The following PLSCR1 variants were observed in gnomAD, a reference collection of about 807,000 sequenced individuals.
The protein encoded by PLSCR1 is phospholipid scramblase 1.
In PLSCR1, 17 loss-of-function variants were observed where a neutral mutation model predicts 37.8. That is an observed-to-expected ratio of 0.45 (90% CI 0.31 to 0.68). The LOEUF is 0.68. PLSCR1 is among the 30% of genes least tolerant of loss of function. PLSCR1 has a pLI of 0.06. For synonymous variants in PLSCR1, 116 were observed against 125.9 expected, an observed-to-expected ratio of 0.92 and a Z score of 0.53; for missense variants, 347 against 380.9, an observed-to-expected ratio of 0.91 and a Z score of 0.74.
Position 146,521,616 on chromosome 3 carries a change from C to A in PLSCR1, c.666G>T (p.Glu222Asp). Residue 222 changes from glutamate (E) to aspartate (D), a missense_variant, in exon 7 of 9, where the codon GAG becomes GAT. Transcript: ENST00000342435. ...PCLPKFTIQN[E>D]KREDVLKISG... ...TTATTTTTAGTACATCCTCTCTTTT[C>A]TCATTTTGAATTGTAAACTTTGGTA... The A allele has an allele frequency of 6.2e-7, 1 of 1,613,940 alleles. No homozygotes were observed. The highest frequency in any genetic ancestry group is 1.1e-5 in the South Asian group (1 of 91,082).
At chr3:146,534,079 AC>A (rs1285076104) in intron 2 of PLSCR1, among the ~76,000 whole-genome samples, 1 of 152,210 alleles carries the variant, frequency 6.6e-6, no homozygotes, top group Non-Finnish European at 1.5e-5. Context: ...CCCAAATATG[AC>A]TGTTTTTGAC....
chr3:146,529,661 C>T (rs1170155048), intron 3 of PLSCR1, among the ~76,000 whole-genome samples: 1 of 151,996 alleles, frequency 6.6e-6, no homozygotes, highest in Non-Finnish European at 1.5e-5. Context: ...TACAGGCGCC[C>T]ACCACCACGC....
At chr3:146,528,212 G>A (rs1018328993) in intron 4 of PLSCR1, 6 of 168,826 alleles carry the variant, frequency 3.6e-5, no homozygotes, top group Non-Finnish European at 6.4e-5. Context: ...AAACAGTCTT[G>A]ACTCTTTAGG....
At chr3:146,528,342 G>T (rs1470665607) in intron 4 of PLSCR1, 8 of 447,402 alleles carry the variant, frequency 1.8e-5, no homozygotes, top group African/African-American at 1.4e-4. Flanking sequence ...CATGTATCAG[G>T]CATACAACAA....
At chr3:146,522,900 T>C (rs1032620447) in intron 5 of PLSCR1, among the ~76,000 whole-genome samples, 1 of 152,240 alleles carries the variant, frequency 6.6e-6, no homozygotes, top group African/African-American at 2.4e-5. Flanking sequence ...TTGAGATGTT[T>C]ATGTATATGC....
chr3:146,525,003 T>A (rs1266825336), intron 5 of PLSCR1, among the ~76,000 whole-genome samples: 1 of 152,174 alleles, frequency 6.6e-6, no homozygotes, highest in Non-Finnish European at 1.5e-5. Context: ...ATTGGCTTCC[T>A]AGGTTTATTT....
chr3:146,517,160 G>T lies in PLSCR1; in HGVS notation c.746C>A (p.Ser249Tyr). ...CCGDVDFEIKSLDEQCVVGKI... is the reference protein window; with the variant it reads ...CCGDVDFEIKYLDEQCVVGKI... ...GCCAACCACACACTGTTCATCAAGA[G>T]ATTTAATCTAAATTGAAAAAAAAAA... Residue 249 changes from serine (S) to tyrosine (Y), a missense_variant, in exon 8 of 9, where the codon TCT (serine) becomes TAT (tyrosine). Coordinates refer to ENST00000342435, the MANE Select transcript of PLSCR1 (RefSeq NM_021105.3). 4 of 1,483,506 alleles carry T rather than the reference G, an allele frequency of 2.7e-6. No homozygotes were observed. The highest frequency in any genetic ancestry group is 3.6e-6 in the Non-Finnish European group (4 of 1,113,014). The allele number at this position is 1,483,506 out of a possible 1,614,324, so 91.9% of individuals were successfully genotyped here.
intron 7 of PLSCR1, chr3:146,520,153 T>C (rs1477946290): frequency 6.6e-6 from 1 of 152,076 alleles, no homozygotes; most frequent in Admixed American, 6.6e-5. Context: ...CTCAATTCTT[T>C]CCATGAGAGT....
chr3:146,531,132 T>C (rs2587025), intron 3 of PLSCR1, among the ~76,000 whole-genome samples: 60,965 of 152,040 alleles, frequency 0.4, 12,408 homozygotes, highest in African/African-American at 0.46. Flanking sequence ...AACAGCTGCC[T>C]TGAGGGGTCA....
At chr3:146,516,718 C>A in intron 8 of PLSCR1, 1 of 230,172 alleles carries the variant, frequency 4.3e-6, no homozygotes, top group South Asian at 1.1e-4. Flanking sequence ...TTCCTCAAAG[C>A]ATCTAGGAGA....
chr3:146,521,801 T>A (rs2044024966), intron 6 of PLSCR1, 32 bp downstream of exon 6: 4 of 1,588,162 alleles, frequency 2.5e-6, no homozygotes, highest in Non-Finnish European at 3.5e-6. Context: ...GCTGAACTAT[T>A]TTACAAAGTG....
At chr3:146,528,563 G>A in intron 4 of PLSCR1, 51 bp downstream of exon 4, 1 of 1,431,784 alleles carries the variant, frequency 7.0e-7, no homozygotes, top group Non-Finnish European at 9.9e-7. Context: ...GGTTAAGCAA[G>A]CTGGAAGCAC....
chr3:146,540,814 A>C (rs1032505642), intron 1 of PLSCR1: 2 of 152,162 alleles, frequency 1.3e-5, no homozygotes, highest in Non-Finnish European at 2.9e-5. Flanking sequence ...AAGATACTAG[A>C]CTAGAGGAAA....
intron 1 of PLSCR1, among the ~76,000 whole-genome samples, chr3:146,544,237 G>A (rs1165337143): frequency 6.6e-6 from 1 of 152,202 alleles, no homozygotes; most frequent in African/African-American, 2.4e-5. Flanking sequence ...GCCCCTTGCC[G>A]TGTACCTGCT....
intron 7 of PLSCR1, among the ~76,000 whole-genome samples, chr3:146,518,333 T>C (rs560960434): frequency 9.5e-4 from 142 of 148,776 alleles, no homozygotes; most frequent in Non-Finnish European, 1.0e-3. Flanking sequence ...CTGGAGCAGA[T>C]TGAGGTTAAC....
chr3:146,538,027 A>C (rs2044289410), intron 1 of PLSCR1: 1 of 152,232 alleles, frequency 6.6e-6, no homozygotes. Flanking sequence ...GAATAATTCA[A>C]AATGGGTTTA....
intron 1 of PLSCR1, among the ~76,000 whole-genome samples, chr3:146,543,900 G>A (rs1233524951): frequency 1.3e-5 from 2 of 152,164 alleles, no homozygotes; most frequent in Non-Finnish European, 2.9e-5. Flanking sequence ...GGAGCTAATG[G>A]TCTTAGGAAC....
intron 7 of PLSCR1, among the ~76,000 whole-genome samples, chr3:146,519,190 G>T (rs1047042685): frequency 6.6e-6 from 1 of 152,068 alleles, no homozygotes; most frequent in Non-Finnish European, 1.5e-5. Context: ...TTGTGAAGAT[G>T]GGTTTCAAAC....
At chr3:146,518,407 A>C (rs2043974886) in intron 7 of PLSCR1, among the ~76,000 whole-genome samples, 1 of 152,196 alleles carries the variant, frequency 6.6e-6, no homozygotes, top group Non-Finnish European at 1.5e-5. Context: ...ACCCATAAGC[A>C]TGAGTATAAA....
Sources: allele counts gnomAD v4.1 joint callset (sites outside exome capture counted in the v4.1 genomes callset), GRCh38; gene constraint gnomAD v4.1.1; transcripts MANE v1.5; gene names NCBI Gene and HGNC (gene_info 2026-07-23, HGNC 2026-07-21).